Variants in PLSCR4 observed in about 807,000 individuals in gnomAD.
PLSCR4 encodes Ca(2+)-dependent phospholipid scramblase 4.
PLSCR4 carries 25 observed loss-of-function variants against 36.3 expected under a neutral mutation model. The observed-to-expected ratio is 0.69, with a 90% confidence interval of 0.50 to 0.96. The LOEUF is 0.96. PLSCR4 is among the 40% of genes least tolerant of loss of function. The pLI, the probability that PLSCR4 is intolerant of heterozygous loss-of-function variation, is 0.00. For synonymous variants in PLSCR4, 122 were observed against 132.9 expected, an observed-to-expected ratio of 0.92 and a Z score of 0.56; for missense variants, 408 against 414.7, an observed-to-expected ratio of 0.98 and a Z score of 0.14.
chr3:146,239,608 A>C (rs773055253), intron 1 of PLSCR4, among the ~76,000 whole-genome samples: 1 of 151,992 alleles, frequency 6.6e-6, no homozygotes, highest in African/African-American at 2.4e-5. Flanking sequence ...TGCAGGCCAG[A>C]TGCGGTGGCT....
chr3:146,223,677 G>T (rs1473048245), intron 1 of PLSCR4: 3 of 152,000 alleles, frequency 2.0e-5, no homozygotes, highest in Admixed American at 6.6e-5. Context: ...CAGCTGAAAT[G>T]ATTGTCTTGC....
chr3:146,237,776 C>T (rs1201208284), intron 1 of PLSCR4, among the ~76,000 whole-genome samples: 2 of 151,626 alleles, frequency 1.3e-5, no homozygotes, highest in African/African-American at 4.8e-5. Flanking sequence ...AAATAAATAA[C>T]ATAATCTTTC....
intron 3 of PLSCR4, among the ~76,000 whole-genome samples, chr3:146,214,077 C>T (rs1352619691): frequency 6.7e-6 from 1 of 149,538 alleles, no homozygotes; most frequent in African/African-American, 2.5e-5. Flanking sequence ...GCTTGGTTTT[C>T]CCTTAAGGTG....
intron 3 of PLSCR4, among the ~76,000 whole-genome samples, chr3:146,216,641 CA>C (rs1329124012): frequency 6.6e-6 from 1 of 152,056 alleles, no homozygotes; most frequent in Non-Finnish European, 1.5e-5. Flanking sequence ...GCTGACGTAT[CA>C]GGAGTAGAAT....
At chr3:146,231,051 AT>A (rs1470246914) in intron 1 of PLSCR4, among the ~76,000 whole-genome samples, 1 of 151,806 alleles carries the variant, frequency 6.6e-6, no homozygotes, top group Non-Finnish European at 1.5e-5. Context: ...ATTGGTGTCT[AT>A]TGTTCTCCTC....
rs150456352 is a variant in PLSCR4, at chr3:146,195,158, A to G, written c.911T>C (p.Met304Thr). The G allele has an allele frequency of 1.9e-6, 3 of 1,613,962 alleles. No individual in the cohort carries two copies. The highest frequency in any genetic ancestry group is 1.1e-5 in the South Asian group (1 of 91,066). ...GCAAGCTCCAAAAATCATGGCTTTC[A>G]TCTTCACATCCAGGTCTAGTGGGAA... ...IHFPLDLDVK[M>T]KAMIFGACFL... The change falls in exon 8 of 9, where the codon ATG becomes ACG. Residue 304 changes from methionine to threonine, a missense_variant. Transcript: ENST00000354952.
intron 1 of PLSCR4, among the ~76,000 whole-genome samples, chr3:146,230,756 A>G (rs1268180805): frequency 6.6e-6 from 1 of 152,152 alleles, no homozygotes; most frequent in Non-Finnish European, 1.5e-5. Context: ...AGAGGTAAGA[A>G]CCTTAAAGAG....
At chr3:146,201,265 A>G (rs563857153) in intron 4 of PLSCR4, among the ~76,000 whole-genome samples, 188 bp from the exon 5 acceptor site, 1 of 152,282 alleles carries the variant, frequency 6.6e-6, no homozygotes, top group South Asian at 2.1e-4. Flanking sequence ...GATGGATATT[A>G]GCAGAGTTGT....
At chr3:146,238,997 A>G (rs76461764) in intron 1 of PLSCR4, among the ~76,000 whole-genome samples, 2,111 of 152,304 alleles carry the variant, frequency 0.014, 53 homozygotes, top group African/African-American at 0.048. Flanking sequence ...AATTACATTT[A>G]TAATAGTACC....
chr3:146,201,845 A>G (rs1214724968), intron 4 of PLSCR4, among the ~76,000 whole-genome samples: 1 of 152,086 alleles, frequency 6.6e-6, no homozygotes, highest in African/African-American at 2.4e-5. Context: ...ACATGTGAGA[A>G]CATTCTAGCA....
chr3:146,221,972 A>G, intron 2 of PLSCR4, 93 bp downstream of exon 2: 1 of 622,440 alleles, frequency 1.6e-6, no homozygotes, highest in East Asian at 3.3e-5. Flanking sequence ...GTTAAACAAA[A>G]AAAAATCGAA....
chr3:146,214,787 G>A lies in PLSCR4; in HGVS notation c.118+6028C>T, dbSNP rs117766033. ...GTGTCTGTTGTAGATTGTCTGTTGT[G>A]CCCAGTTTGGTTTATAGTGCTGTTC... On this transcript the variant is annotated intron_variant, in intron 3 of 8. Coordinates refer to ENST00000354952, the MANE Select transcript of PLSCR4 (RefSeq NM_020353.3). Among the ~76,000 whole-genome samples the A allele has an allele frequency of 2.4e-4, 36 of 152,144 alleles. No homozygotes were observed. In the East Asian group the frequency reaches 6.0e-3, roughly 25 times the overall value.
chr3:146,221,968 C>CAAA, intron 2 of PLSCR4, 97 bp downstream of exon 2: 1 of 559,578 alleles, frequency 1.8e-6, no homozygotes, highest in Non-Finnish European at 3.0e-6. Flanking sequence ...AAATGTTAAA[C>CAAA]AAAAAAAAAT....
intron 3 of PLSCR4, among the ~76,000 whole-genome samples, chr3:146,211,384 C>T (rs889082276): frequency 2.0e-5 from 3 of 152,062 alleles, no homozygotes; most frequent in African/African-American, 7.2e-5. Flanking sequence ...CTTTTGCCTA[C>T]TTTAAAACTG....
At chr3:146,227,187 A>G in intron 1 of PLSCR4, among the ~76,000 whole-genome samples, 1 of 152,218 alleles carries the variant, frequency 6.6e-6, no homozygotes, top group South Asian at 2.1e-4. Flanking sequence ...GTCAGAAACC[A>G]GACTGGAAAA....
At chr3:146,212,706 T>G (rs979949358) in intron 3 of PLSCR4, among the ~76,000 whole-genome samples, 1 of 152,156 alleles carries the variant, frequency 6.6e-6, no homozygotes, top group Non-Finnish European at 1.5e-5. Flanking sequence ...GAATTTTCTT[T>G]CTTTTTCTTG....
chr3:146,218,529 A>T (rs2034994522), intron 3 of PLSCR4, among the ~76,000 whole-genome samples: 1 of 151,706 alleles, frequency 6.6e-6, no homozygotes, highest in Non-Finnish European at 1.5e-5. Flanking sequence ...ATACATATTT[A>T]TGTAATTGAA....
chr3:146,249,215 T>C (rs1352136425), intron 1 of PLSCR4, among the ~76,000 whole-genome samples: 1 of 152,140 alleles, frequency 6.6e-6, no homozygotes, highest in East Asian at 1.9e-4. Context: ...GAAATGCTTT[T>C]CCCACATGCA....
intron 1 of PLSCR4, among the ~76,000 whole-genome samples, chr3:146,249,577 T>C (rs1335484314): frequency 1.3e-5 from 2 of 151,300 alleles, no homozygotes; most frequent in African/African-American, 4.8e-5. Context: ...GTCTCCACTA[T>C]ATATATGTGT....
Sources: gnomAD v4.1 joint callset for allele counts (sites outside exome capture counted in the v4.1 genomes callset) on GRCh38, gnomAD v4.1.1 for gene constraint, MANE v1.5 for transcripts, NCBI Gene and HGNC (gene_info 2026-07-23, HGNC 2026-07-21) for gene names.